Variants in FRMD5 observed in about 807,000 individuals in gnomAD.
FRMD5 encodes the protein FERM domain containing 5, also known as FERM domain-containing protein 5.
A neutral mutation model predicts 69.0 loss-of-function variants in FRMD5; 20 were observed. The observed-to-expected ratio is 0.29, with a 90% CI of 0.20 to 0.42. The LOEUF is 0.42. Among genes scored for constraint, FRMD5 ranks in the 10% least tolerant of loss-of-function variants. FRMD5 has a pLI of 1.00. For missense variants in FRMD5, 595 were observed against 708.6 expected, an observed-to-expected ratio of 0.84 and a Z score of 1.82; for synonymous variants, 271 against 260.1, an observed-to-expected ratio of 1.04 and a Z score of -0.40.
chr15:44,029,508 AT>A (rs1891585925), intron 1 of FRMD5, among the ~76,000 whole-genome samples: 4 of 152,218 alleles, frequency 2.6e-5, no homozygotes, highest in Admixed American at 2.6e-4. Context: ...ACCTATAGGT[AT>A]TCTAGTGGCT....
intron 1 of FRMD5, among the ~76,000 whole-genome samples, chr15:44,092,090 C>G (rs2076481685): frequency 6.6e-6 from 1 of 152,178 alleles, no homozygotes; most frequent in South Asian, 2.1e-4. Context: ...TCTCATAAAA[C>G]AGTAACGTGT....
At chr15:44,181,336 C>T (rs1173566753) in intron 1 of FRMD5, among the ~76,000 whole-genome samples, 1 of 152,068 alleles carries the variant, frequency 6.6e-6, no homozygotes, top group Non-Finnish European at 1.5e-5. Flanking sequence ...CTGTGCCCAT[C>T]CTAACCTTTT....
In FRMD5 at chr15:43,924,300, T is replaced by C; in HGVS notation, c.112A>G (p.Lys38Glu). The part of the protein sequence containing the change: ...EYTCTIQRDA[K>E]GQYLFDLLCH... ...AGAAGGTCAAACAGGTACTGGCCTT[T>C]GGCATCTCTCTGCAAAGAAAGAAAA... The change falls in exon 2 of 14, where the codon AAA (lysine) becomes GAA (glutamate). Residue 38 changes from lysine (K) to glutamate (E), a missense_variant. Around this residue, in one of 5 missense-constraint regions of FRMD5, gnomAD observed 79 missense variants for 139.9 expected, o/e 0.56. Transcript: ENST00000417257. The C allele has an allele frequency of 6.2e-7, 1 of 1,613,264 alleles. No individual in the cohort carries two copies. The highest frequency in any genetic ancestry group is 8.5e-7 in the Non-Finnish European group (1 of 1,179,408).
Position 43,884,764 on chromosome 15 carries a change from T to A in FRMD5, c.991A>T (p.Ser331Cys), listed in dbSNP as rs1402106610. The change falls in exon 12 of 14, where the codon AGT becomes TGT. Residue 331 changes from serine (S) to cysteine (C), a missense_variant. Physicochemically the swap from Ser to Cys is moderately radical, Grantham distance 112. Around this residue, in one of 5 missense-constraint regions of FRMD5, gnomAD observed 176 missense variants for 266.3 expected, o/e 0.66. Coordinates refer to ENST00000417257, the MANE Select transcript of FRMD5 (RefSeq NM_032892.5). ...GGTGGCTCCCGTTTGATCTTAGCAC[T>A]TGATTCCATGACTTCCTTTGCAACT... ...GRVAKEVMES[S>C]AKIKREPPEI... 1 of 1,614,158 alleles carries A rather than the reference T, an allele frequency of 6.2e-7. No individual in the cohort carries two copies.
At chr15:44,061,797 T>C (rs945158403) in intron 1 of FRMD5, among the ~76,000 whole-genome samples, 1 of 152,182 alleles carries the variant, frequency 6.6e-6, no homozygotes, top group African/African-American at 2.4e-5. Flanking sequence ...GCATTAACAT[T>C]TCCCATATGG....
intron 1 of FRMD5, among the ~76,000 whole-genome samples, chr15:44,007,347 G>T (rs1400530025): frequency 6.6e-6 from 1 of 152,076 alleles, no homozygotes; most frequent in Admixed American, 6.6e-5. Flanking sequence ...TATTGCGGTG[G>T]TCTGGAACTG....
chr15:44,183,040 C>T (rs574791826), intron 1 of FRMD5, among the ~76,000 whole-genome samples: 5 of 151,962 alleles, frequency 3.3e-5, no homozygotes, highest in African/African-American at 7.2e-5. Flanking sequence ...CCTCGTGATC[C>T]GCCCACCTTG....
chr15:43,945,376 G>T (rs1386579969), intron 1 of FRMD5, among the ~76,000 whole-genome samples: 2 of 152,036 alleles, frequency 1.3e-5, no homozygotes, highest in Non-Finnish European at 2.9e-5. Flanking sequence ...AAATTTTCCT[G>T]AACCCAAAGA....
chr15:43,885,493 C>G (rs945966710), intron 11 of FRMD5, among the ~76,000 whole-genome samples, 188 bp downstream of exon 11: 1 of 152,144 alleles, frequency 6.6e-6, no homozygotes, highest in Admixed American at 6.5e-5. Flanking sequence ...ATTTAAAACC[C>G]TACAGACAAA....
At chr15:44,032,763 A>G (rs1449098456) in intron 1 of FRMD5, among the ~76,000 whole-genome samples, 2 of 152,238 alleles carry the variant, frequency 1.3e-5, no homozygotes, top group African/African-American at 4.8e-5. Context: ...GGGAGTGTAA[A>G]TTAGTTCAAC....
chr15:44,030,399 G>T (rs1326030671), intron 1 of FRMD5, among the ~76,000 whole-genome samples: 1 of 151,972 alleles, frequency 6.6e-6, no homozygotes, highest in Non-Finnish European at 1.5e-5. Context: ...TTCTCCTTGA[G>T]CAACAGTATA....
chr15:43,937,030 G>C (rs760466874), intron 1 of FRMD5, among the ~76,000 whole-genome samples: 4 of 152,158 alleles, frequency 2.6e-5, no homozygotes, highest in Non-Finnish European at 5.9e-5. Flanking sequence ...TTAGGAAATT[G>C]ATGCTAAAAA....
chr15:44,046,627 C>T (rs1369897852), intron 1 of FRMD5, among the ~76,000 whole-genome samples: 1 of 152,196 alleles, frequency 6.6e-6, no homozygotes, highest in African/African-American at 2.4e-5. Flanking sequence ...CTCTGACACA[C>T]ATTTTTTTGG....
At chr15:43,968,584 C>T (rs763447371) in intron 1 of FRMD5, among the ~76,000 whole-genome samples, 9 of 152,206 alleles carry the variant, frequency 5.9e-5, no homozygotes, top group Admixed American at 1.3e-4. Context: ...ATTAATTGTA[C>T]ATAAGGTGCT....
At position 43,997,385 on chromosome 15, in the gene FRMD5, C is replaced by T. The variant is rs183550839; in HGVS notation, c.103-73076G>A. On this transcript the variant is annotated intron_variant, in intron 1 of 13. Coordinates refer to ENST00000417257, the MANE Select transcript of FRMD5 (RefSeq NM_032892.5). ...AAAACATATTTTTGACTCTAGGGAA[C>T]AAAAACGGATCAAGCTCAAAAGAAA... Among the ~76,000 whole-genome samples, 510 of 152,306 alleles carry T rather than the reference C, an allele frequency of 3.3e-3. 2 individuals carry two copies. The highest frequency in any genetic ancestry group is 7.5e-3 in the South Asian group (36 of 4,818).
At chr15:44,008,571 C>CT (rs567700153) in intron 1 of FRMD5, among the ~76,000 whole-genome samples, 168 of 151,992 alleles carry the variant, frequency 1.1e-3, no homozygotes, top group African/African-American at 3.9e-3. Flanking sequence ...CGGCCACAGG[C>CT]TTTTTTAACA....
intron 1 of FRMD5, among the ~76,000 whole-genome samples, chr15:44,156,826 G>A (rs553222961): frequency 2.0e-5 from 3 of 152,224 alleles, no homozygotes; most frequent in East Asian, 3.9e-4. Flanking sequence ...CAGCTACTTG[G>A]AAAACTGAGG....
chr15:43,967,852 A>G (rs948327781), intron 1 of FRMD5, among the ~76,000 whole-genome samples: 2 of 151,980 alleles, frequency 1.3e-5, no homozygotes, highest in African/African-American at 2.4e-5. Flanking sequence ...TGCACCTATC[A>G]ACCCATCATC....
intron 1 of FRMD5, among the ~76,000 whole-genome samples, chr15:44,014,676 G>C (rs1890875314): frequency 6.6e-6 from 1 of 152,172 alleles, no homozygotes; most frequent in Admixed American, 6.5e-5. Context: ...GATGGAGGTT[G>C]CCTTGAGCCA....
Sources: allele counts gnomAD v4.1 joint callset (sites outside exome capture counted in the v4.1 genomes callset), GRCh38; gene constraint gnomAD v4.1.1; regional missense constraint gnomAD v4.1.1; transcripts MANE v1.5; gene names NCBI Gene and HGNC (gene_info 2026-07-23, HGNC 2026-07-21).